The following FAM227A variants were observed in gnomAD, a reference collection of about 807,000 sequenced individuals.
The protein encoded by FAM227A is protein FAM227A.
FAM227A carries 80 observed loss-of-function variants against 74.7 expected under a neutral mutation model. The observed-to-expected ratio is 1.07, with a 90% CI of 0.89 to 1.29. The LOEUF (loss-of-function observed/expected upper bound fraction) is 1.29, where lower values mean the gene tolerates loss of function less well. Ranked by LOEUF, FAM227A falls within the 50% of genes most tolerant of loss-of-function variation. FAM227A has a pLI of 0.00. For synonymous variants in FAM227A, 237 were observed against 241.8 expected, an observed-to-expected ratio of 0.98 and a Z score of 0.19; for missense variants, 654 against 683.4, an observed-to-expected ratio of 0.96 and a Z score of 0.48.
At chr22:38,611,208 G>A (rs1391452541) in intron 11 of FAM227A, among the ~76,000 whole-genome samples, 1 of 152,188 alleles carries the variant, frequency 6.6e-6, no homozygotes, top group African/African-American at 2.4e-5. Context: ...CAGCATAGAG[G>A]AGATGGAAGT....
chr22:38,620,035 T>A (rs1602975858), intron 11 of FAM227A, among the ~76,000 whole-genome samples, 177 bp downstream of exon 11: 2 of 152,134 alleles, frequency 1.3e-5, no homozygotes, highest in Non-Finnish European at 2.9e-5. Flanking sequence ...ACTTAGCCAC[T>A]TACCCATGGG....
chr22:38,640,036 G>A (rs2092080993), intron 3 of FAM227A, among the ~76,000 whole-genome samples: 1 of 151,650 alleles, frequency 6.6e-6, no homozygotes, highest in South Asian at 2.1e-4. Context: ...ATCTTCCAGG[G>A]TTCTTTTTTT....
chr22:38,623,529 T>C (rs537243757), intron 9 of FAM227A, among the ~76,000 whole-genome samples: 1 of 152,302 alleles, frequency 6.6e-6, no homozygotes, highest in South Asian at 2.1e-4. Flanking sequence ...CCCTGTCCCA[T>C]GCTAGCCTTG....
At chr22:38,608,685 C>A (rs889206735) in intron 11 of FAM227A, among the ~76,000 whole-genome samples, 1 of 152,070 alleles carries the variant, frequency 6.6e-6, no homozygotes, top group Admixed American at 6.6e-5. Context: ...CCTGCCTCGG[C>A]CTCCCAAAGT....
chr22:38,625,365 G>T (rs1444702323), intron 9 of FAM227A, among the ~76,000 whole-genome samples: 2 of 148,738 alleles, frequency 1.3e-5, no homozygotes, highest in African/African-American at 5.0e-5. Flanking sequence ...CTCCAGCCTG[G>T]ACGACAGAGC....
chr22:38,582,480 T>C lies in FAM227A; in HGVS notation c.*3645A>G. 1 of 1,477,578 alleles carries C rather than the reference T, an allele frequency of 6.8e-7. No individual in the cohort carries two copies. The highest frequency in any genetic ancestry group is 1.2e-5 in the South Asian group (1 of 81,532). The allele number at this position is 1,477,578 out of a possible 1,614,324, so 91.5% of individuals were successfully genotyped here. ...ATTACAGCAAATGCTTTTTAAATGT[T>C]AGTTCCCTTTGATGCTCTACCCCGC... On this transcript the variant is annotated 3_prime_UTR_variant, in exon 17 of 17. Coordinates refer to ENST00000535113, the MANE Select transcript of FAM227A (RefSeq NM_001013647.2).
intron 1 of FAM227A, among the ~76,000 whole-genome samples, chr22:38,652,384 C>A (rs573723759): frequency 6.6e-6 from 1 of 151,606 alleles, no homozygotes; most frequent in Non-Finnish European, 1.5e-5. Flanking sequence ...GTCAGGAGAT[C>A]GAGACCATCT....
chr22:38,622,595 G>A (rs1186530295), intron 10 of FAM227A, among the ~76,000 whole-genome samples: 1 of 152,128 alleles, frequency 6.6e-6, no homozygotes. Flanking sequence ...AAATGGGCTG[G>A]CCAGGCATGG....
chr22:38,626,865 CA>C (rs67498232), intron 8 of FAM227A, among the ~76,000 whole-genome samples: 426 of 16,488 alleles, frequency 0.026, no homozygotes, highest in Middle Eastern at 0.045. Flanking sequence ...GACTCTGTCT[CA>C]AAAAAAAAAA....
In FAM227A at chr22:38,582,670, C is replaced by A; in HGVS notation, c.*3455G>T. ...GCAGGGATGATCTTGGACTGTGCAA[C>A]AAATGGTCCTGACAGACAGAAATGC... On this transcript the variant is annotated 3_prime_UTR_variant, in exon 17 of 17. Coordinates refer to ENST00000535113, the MANE Select transcript of FAM227A (RefSeq NM_001013647.2). 1.2e-6 allele frequency: 1 copy of A among 829,486 alleles called. No individual in the cohort carries two copies. 51.4% of individuals were successfully genotyped at this position (829,486 alleles called of 1,614,324 possible).
At chr22:38,655,866 C>G (rs1026605127) in intron 1 of FAM227A, among the ~76,000 whole-genome samples, 1 of 152,146 alleles carries the variant, frequency 6.6e-6, no homozygotes, top group African/African-American at 2.4e-5. Flanking sequence ...CCTGATACAC[C>G]CACTAGGCAG....
chr22:38,641,974 T>TGTGTGTGTGTGC (rs1555973176), intron 3 of FAM227A, among the ~76,000 whole-genome samples: 1 of 146,116 alleles, frequency 6.8e-6, no homozygotes, highest in East Asian at 1.9e-4. Context: ...TGTGTGTGTG[T>TGTGTGTGTGTGC]GCGCACGTGT....
intron 6 of FAM227A, among the ~76,000 whole-genome samples, chr22:38,632,357 C>T (rs1013848241): frequency 1.3e-5 from 2 of 152,086 alleles, no homozygotes; most frequent in Admixed American, 1.3e-4. Context: ...TAGAGGGCTC[C>T]ACCCTCATGA....
intron 4 of FAM227A, 146 bp downstream of exon 4, chr22:38,639,509 A>G (rs1025355970): frequency 7.5e-6 from 6 of 803,720 alleles, no homozygotes; most frequent in Non-Finnish European, 1.3e-5. Context: ...TCCTTGCCCA[A>G]TGTCAAGAAG....
At chr22:38,626,891 A>AAAAAATATATATATATAT (rs1555966996) in intron 8 of FAM227A, among the ~76,000 whole-genome samples, 2 of 57,686 alleles carry the variant, frequency 3.5e-5, no homozygotes, top group African/African-American at 1.8e-4. Flanking sequence ...AAAAAAAAAA[A>AAAAAATATATATATATAT]ATATATATAT....
chr22:38,637,881 T>C (rs2092036681), intron 5 of FAM227A, among the ~76,000 whole-genome samples: 1 of 152,214 alleles, frequency 6.6e-6, no homozygotes, highest in Admixed American at 6.5e-5. Flanking sequence ...AAGAACAAGC[T>C]AAGGGCTGGG....
chr22:38,614,083 A>C (rs1356625692), intron 11 of FAM227A, among the ~76,000 whole-genome samples: 1 of 152,072 alleles, frequency 6.6e-6, no homozygotes, highest in Non-Finnish European at 1.5e-5. Flanking sequence ...CCAGGTTAAG[A>C]GCTAGGATTC....
Position 38,586,124 on chromosome 22 carries a change from C to A in FAM227A, c.*1G>T. 1 of 1,552,034 alleles carries A rather than the reference C, an allele frequency of 6.4e-7. No individual in the cohort carries two copies. The highest frequency in any genetic ancestry group is 8.7e-7 in the Non-Finnish European group (1 of 1,147,070). On this transcript the variant is annotated 3_prime_UTR_variant, in exon 17 of 17. Transcript: ENST00000535113. ...TTCCTGGTTCTAGGTTGTGGAGCTCCTCAGGGCTTGGAAGTGAGTGGAAAG... is the reference window on the plus strand; with the variant it reads ...TTCCTGGTTCTAGGTTGTGGAGCTCATCAGGGCTTGGAAGTGAGTGGAAAG...
intron 7 of FAM227A, among the ~76,000 whole-genome samples, 183 bp from the exon 8 acceptor site, chr22:38,628,525 C>T (rs1359132684): frequency 1.3e-5 from 2 of 152,164 alleles, no homozygotes; most frequent in Non-Finnish European, 2.9e-5. Context: ...AGCACGTACA[C>T]AGAGGCAGAG....
Sources: gnomAD v4.1 joint callset for allele counts (sites outside exome capture counted in the v4.1 genomes callset) on GRCh38, gnomAD v4.1.1 for gene constraint, MANE v1.5 for transcripts, NCBI Gene and HGNC (gene_info 2026-07-23, HGNC 2026-07-21) for gene names.